FBXL2: variants seen among roughly 807,000 people sequenced by gnomAD.
The protein encoded by FBXL2 is F-box/LRR-repeat protein 2.
In FBXL2, 38 loss-of-function variants were observed where a neutral mutation model predicts 69.2. The ratio of observed to expected loss-of-function variants is 0.55; its 90% CI spans 0.42 to 0.72. The LOEUF is 0.72. FBXL2 is among the 30% of genes least tolerant of loss of function. The probability of loss-of-function intolerance (pLI) is 0.00; values close to 1 mark genes in which losing one functional copy is unlikely to be tolerated. For synonymous variants in FBXL2, 192 were observed against 201.3 expected (o/e 0.95, Z 0.39); for missense variants, 354 against 520.3 (o/e 0.68, Z 3.11).
chr3:33,292,133 A>G (rs535790925), intron 1 of FBXL2, among the ~76,000 whole-genome samples: 1 of 152,326 alleles, frequency 6.6e-6, no homozygotes, highest in South Asian at 2.1e-4. Flanking sequence ...TAATCACAGC[A>G]CTTTGGAAGG....
At chr3:33,331,264 AC>A (rs74406430) in intron 2 of FBXL2, among the ~76,000 whole-genome samples, 3 of 139,276 alleles carry the variant, frequency 2.2e-5, no homozygotes, top group East Asian at 2.6e-4. Context: ...ATCAAGTAAA[AC>A]AGAGAAGTAA....
At chr3:33,363,357 ATCCTGGTGAAT>A (rs2041759317) in intron 4 of FBXL2, among the ~76,000 whole-genome samples, 1 of 152,180 alleles carries the variant, frequency 6.6e-6, no homozygotes, top group Non-Finnish European at 1.5e-5. Flanking sequence ...GTTTTGATGT[ATCCTGGTGAAT>A]TCATCATGCT....
intron 2 of FBXL2, among the ~76,000 whole-genome samples, chr3:33,337,206 A>AAAAC (rs575531844): frequency 6.4e-4 from 97 of 152,312 alleles, no homozygotes; most frequent in African/African-American, 2.0e-3. Flanking sequence ...CTCCGTCTCA[A>AAAAC]AAACAAACAA....
chr3:33,286,969 C>T (rs1015851454), intron 1 of FBXL2, among the ~76,000 whole-genome samples: 16 of 152,322 alleles, frequency 1.1e-4, no homozygotes, highest in Middle Eastern at 3.4e-3. Context: ...GGGAACTCCC[C>T]GACCCCTTGC....
At chr3:33,347,785 C>T (rs142301563) in intron 2 of FBXL2, among the ~76,000 whole-genome samples, 8 of 152,072 alleles carry the variant, frequency 5.3e-5, no homozygotes, top group African/African-American at 1.2e-4. Flanking sequence ...TGTTGAGCAC[C>T]GTTTCATATA....
At chr3:33,327,932 T>C (rs1426411144) in intron 2 of FBXL2, among the ~76,000 whole-genome samples, 1 of 143,276 alleles carries the variant, frequency 7.0e-6, no homozygotes, top group East Asian at 2.1e-4. Flanking sequence ...CATGATCTTA[T>C]ATTTAGAAAA....
At chr3:33,374,043 C>A in intron 9 of FBXL2, 122 bp downstream of exon 9, 1 of 816,154 alleles carries the variant, frequency 1.2e-6, no homozygotes. Context: ...ACCCTGATTT[C>A]CATCCTGTGT....
intron 2 of FBXL2, among the ~76,000 whole-genome samples, chr3:33,303,475 G>A (rs1324410798): frequency 1.3e-5 from 2 of 152,174 alleles, no homozygotes; most frequent in Non-Finnish European, 2.9e-5. Context: ...CTCTGAGGAT[G>A]ACTTTGGATT....
rs1315216267 is a variant in FBXL2 at position 33,387,021 on chromosome 3, AG to A, written c.*1414del. On this transcript the variant is annotated 3_prime_UTR_variant, in exon 15 of 15. Coordinates refer to ENST00000484457, the MANE Select transcript of FBXL2 (RefSeq NM_012157.5). ...ATATTATGTCAGCTGCATTCTAGGA[AG>A]AGAAGCAGATTATATATATATATAA... 11 of 152,178 alleles carry A rather than the reference AG, an allele frequency of 7.2e-5. No homozygotes were observed. Among genetic ancestry groups the A allele is most frequent in the African/African-American group, 2.7e-4 (11 of 41,444 alleles). 9.4% of individuals were successfully genotyped at this position (152,178 alleles called of 1,614,324 possible).
intron 2 of FBXL2, among the ~76,000 whole-genome samples, chr3:33,309,653 T>G (rs2037015781): frequency 6.6e-6 from 1 of 152,198 alleles, no homozygotes; most frequent in African/African-American, 2.4e-5. Flanking sequence ...CCTTTGTTAA[T>G]TATTGTCTAG....
intron 2 of FBXL2, among the ~76,000 whole-genome samples, chr3:33,343,206 A>G (rs1453962598): frequency 6.6e-6 from 1 of 152,096 alleles, no homozygotes; most frequent in African/African-American, 2.4e-5. Flanking sequence ...ACTTAAATCT[A>G]TGTATATGTA....
intron 2 of FBXL2, among the ~76,000 whole-genome samples, chr3:33,316,697 C>T (rs2037727984): frequency 6.6e-6 from 1 of 152,080 alleles, no homozygotes; most frequent in African/African-American, 2.4e-5. Flanking sequence ...GGCGGTTTGG[C>T]CCTCATCCAC....
chr3:33,418,445 G>A, the FBXL2 span, among the ~76,000 whole-genome samples: 2 of 151,828 alleles, frequency 1.3e-5, no homozygotes, highest in Admixed American at 6.6e-5. Context: ...TTTTAGTAGA[G>A]ACAGGGTTTC....
intron 2 of FBXL2, among the ~76,000 whole-genome samples, chr3:33,342,848 G>A (rs1218329532): frequency 4.2e-5 from 6 of 142,300 alleles, no homozygotes; most frequent in African/African-American, 1.3e-4. Context: ...TCAGCCTCCC[G>A]AGTAGCGTAG....
intron 2 of FBXL2, among the ~76,000 whole-genome samples, chr3:33,317,099 T>G (rs2037771230): frequency 6.6e-6 from 1 of 152,068 alleles, no homozygotes; most frequent in Admixed American, 6.6e-5. Context: ...GGTCTCACTA[T>G]GTTGCCCAGG....
intron 2 of FBXL2, among the ~76,000 whole-genome samples, chr3:33,343,185 A>G (rs1306674876): frequency 6.6e-6 from 1 of 151,994 alleles, no homozygotes; most frequent in Non-Finnish European, 1.5e-5. Context: ...ATTTTGTAAT[A>G]TTCATATGAC....
Position 33,277,478 on chromosome 3 carries a change from C to T in FBXL2, c.-35C>T, listed in dbSNP as rs558557814. ...AACGGGCGTCGCCGGCGCCGTGTGACTTCGGGCTGTGGGCTCGCTCGCGGC... is the reference window on the plus strand; with the variant it reads ...AACGGGCGTCGCCGGCGCCGTGTGATTTCGGGCTGTGGGCTCGCTCGCGGC... On this transcript the variant is annotated 5_prime_UTR_variant, in exon 1 of 15. Coordinates refer to ENST00000484457, the MANE Select transcript of FBXL2 (RefSeq NM_012157.5). 43 of 1,287,252 alleles carry T rather than the reference C, an allele frequency of 3.3e-5. No individual in the cohort carries two copies. In the South Asian group the frequency reaches 1.2e-3, roughly 35 times the overall value. 79.7% of individuals were successfully genotyped at this position (1,287,252 alleles called of 1,614,324 possible).
At chr3:33,370,690 A>T (rs1394034600) in intron 5 of FBXL2, among the ~76,000 whole-genome samples, 1 of 151,838 alleles carries the variant, frequency 6.6e-6, no homozygotes, top group Non-Finnish European at 1.5e-5. Context: ...ACCTTGGCTC[A>T]CTGTAACCTC....
intron 5 of FBXL2, among the ~76,000 whole-genome samples, chr3:33,369,154 C>T (rs988984136): frequency 1.3e-5 from 2 of 151,752 alleles, no homozygotes; most frequent in Admixed American, 6.6e-5. Flanking sequence ...TGGGTTCAAG[C>T]GATTCTCGTG....
Sources: allele counts gnomAD v4.1 joint callset (sites outside exome capture counted in the v4.1 genomes callset), GRCh38; gene constraint gnomAD v4.1.1; transcripts MANE v1.5; gene names NCBI Gene and HGNC (gene_info 2026-07-23, HGNC 2026-07-21).